ME3: variants seen among roughly 807,000 people sequenced by gnomAD.
ME3 encodes the protein malic enzyme 3, also known as NADP-dependent malic enzyme, mitochondrial.
In ME3, 48 loss-of-function variants were observed where a neutral mutation model predicts 68.9. The ratio of observed to expected loss-of-function variants is 0.70; its 90% CI spans 0.55 to 0.89. The LOEUF (loss-of-function observed/expected upper bound fraction) is 0.89, where lower values mean the gene tolerates loss of function less well. Among genes scored for constraint, ME3 ranks in the 40% least tolerant of loss-of-function variants. The pLI, the probability that ME3 is intolerant of heterozygous loss-of-function variation, is 0.00. For missense variants in ME3, 675 were observed against 797.4 expected, an observed-to-expected ratio of 0.85 and a Z score of 1.85; for synonymous variants, 320 against 318.8, an observed-to-expected ratio of 1.00 and a Z score of -0.04.
chr11:86,634,773 G>A (rs1361729540), intron 2 of ME3, among the ~76,000 whole-genome samples: 2 of 152,102 alleles, frequency 1.3e-5, no homozygotes, highest in Admixed American at 6.5e-5. Flanking sequence ...TTCTTTCTTG[G>A]AAATCTTATG....
chr11:86,550,741 C>G lies in ME3; in HGVS notation c.467+5812G>C, dbSNP rs1410193713. Reference sequence around the variant, plus strand: ...ATGTGTGTGTGTGTTTGTGTGTATTCCCAACCAACGGACACCTGGGTTGGA... The same window carrying G: ...ATGTGTGTGTGTGTTTGTGTGTATTGCCAACCAACGGACACCTGGGTTGGA... On this transcript the variant is annotated intron_variant, in intron 4 of 14. Transcript: ENST00000543262. 2.0e-5 allele frequency among the ~76,000 whole-genome samples: 3 copies of G among 151,958 alleles called. No individual in the cohort carries two copies. The East Asian group carries it at 5.8e-4, about 29-fold the overall frequency.
At chr11:86,606,787 A>T (rs900835171) in intron 2 of ME3, among the ~76,000 whole-genome samples, 1 of 152,054 alleles carries the variant, frequency 6.6e-6, no homozygotes, top group Non-Finnish European at 1.5e-5. Flanking sequence ...TTTAGATGTT[A>T]TTTGTCTTGA....
chr11:86,534,184 C>A (rs1336901982), intron 4 of ME3, among the ~76,000 whole-genome samples: 1 of 150,778 alleles, frequency 6.6e-6, no homozygotes, highest in Non-Finnish European at 1.5e-5. Flanking sequence ...CTGGGTGAGT[C>A]AGTGAGAGAT....
intron 2 of ME3, among the ~76,000 whole-genome samples, chr11:86,585,242 G>C (rs1958664864): frequency 6.6e-6 from 1 of 152,216 alleles, no homozygotes; most frequent in Admixed American, 6.5e-5. Context: ...GTGTTCTTTA[G>C]AAAAGATCAT....
intron 2 of ME3, among the ~76,000 whole-genome samples, chr11:86,647,195 A>G (rs1452911989): frequency 6.6e-6 from 1 of 152,256 alleles, no homozygotes; most frequent in African/African-American, 2.4e-5. Flanking sequence ...AGATTCACAC[A>G]TAACAATATT....
At chr11:86,458,978 C>T (rs1256715577) in intron 8 of ME3, among the ~76,000 whole-genome samples, 1 of 152,238 alleles carries the variant, frequency 6.6e-6, no homozygotes, top group African/African-American at 2.4e-5. Flanking sequence ...AACCCTACCC[C>T]TGGCTCACTT....
chr11:86,455,704 A>T (rs942071966), intron 8 of ME3, among the ~76,000 whole-genome samples: 2 of 152,158 alleles, frequency 1.3e-5, no homozygotes, highest in Non-Finnish European at 2.9e-5. Context: ...TGCCCAAATG[A>T]TCAGCAAGAC....
intron 4 of ME3, among the ~76,000 whole-genome samples, chr11:86,538,347 C>G (rs758342522): frequency 6.6e-6 from 1 of 152,096 alleles, no homozygotes; most frequent in Non-Finnish European, 1.5e-5. Context: ...TGTCTAAGGA[C>G]AATAATGCAC....
chr11:86,436,378 TGAAGTA>T (rs1948897761), downstream of ME3: 1 of 152,124 alleles, frequency 6.6e-6, no homozygotes. Flanking sequence ...CTTATTAAGT[TGAAGTA>T]GTTCTTTATA....
At chr11:86,572,593 C>T (rs1170253549) in intron 2 of ME3, among the ~76,000 whole-genome samples, 1 of 152,126 alleles carries the variant, frequency 6.6e-6, no homozygotes. Flanking sequence ...TCATTCATGT[C>T]TCTGCAAAGG....
chr11:86,593,114 T>C (rs1452284564), intron 2 of ME3, among the ~76,000 whole-genome samples: 1 of 152,088 alleles, frequency 6.6e-6, no homozygotes, highest in African/African-American at 2.4e-5. Context: ...GCCAGGAAAA[T>C]GACTCATTTC....
chr11:86,522,643 T>C (rs1333396380), intron 4 of ME3, among the ~76,000 whole-genome samples: 1 of 152,144 alleles, frequency 6.6e-6, no homozygotes, highest in Non-Finnish European at 1.5e-5. Context: ...TGGTTTTCTG[T>C]TTCTGTGTTA....
At chr11:86,635,054 C>T (rs1325301359) in intron 2 of ME3, among the ~76,000 whole-genome samples, 1 of 152,136 alleles carries the variant, frequency 6.6e-6, no homozygotes, top group African/African-American at 2.4e-5. Flanking sequence ...CCTGTAATCC[C>T]AGAACTTTGG....
In ME3 at chr11:86,545,511, C is replaced by T. The variant is rs998225479; in HGVS notation, c.467+11042G>A. ...CAATGTGCAAAAATCACAAGCATTG[C>T]TATATACCAATAATAAACAAACAGG... On this transcript the variant is annotated intron_variant, in intron 4 of 14. Coordinates refer to ENST00000543262, the Ensembl canonical transcript of ME3. 9.0e-4 allele frequency among the ~76,000 whole-genome samples: 137 copies of T among 152,234 alleles called. 2 individuals are homozygous for T. Among genetic ancestry groups the T allele is most frequent in the African/African-American group, 3.2e-3 (133 of 41,560 alleles).
At chr11:86,557,082 T>C (rs1407393770) in intron 3 of ME3, among the ~76,000 whole-genome samples, 2 of 152,216 alleles carry the variant, frequency 1.3e-5, no homozygotes, top group Non-Finnish European at 2.9e-5. Context: ...CTGGAATCTG[T>C]GCTCTCAACC....
intron 2 of ME3, among the ~76,000 whole-genome samples, chr11:86,569,813 C>T (rs1268111644): frequency 6.6e-6 from 1 of 152,188 alleles, no homozygotes; most frequent in Non-Finnish European, 1.5e-5. Flanking sequence ...CAAGGTCACA[C>T]AGCAAGCTGG....
intron 2 of ME3, among the ~76,000 whole-genome samples, chr11:86,625,515 G>A (rs1416475071): frequency 1.3e-5 from 2 of 152,100 alleles, no homozygotes; most frequent in African/African-American, 4.8e-5. Context: ...AAGAGACCTG[G>A]GTTTGAATCC....
intron 4 of ME3, among the ~76,000 whole-genome samples, chr11:86,531,336 AAGTC>A (rs1299077316): frequency 6.6e-6 from 1 of 152,190 alleles, no homozygotes; most frequent in Non-Finnish European, 1.5e-5. Context: ...CATCATTAAA[AAGTC>A]AGGAAACAAC....
intron 7 of ME3, among the ~76,000 whole-genome samples, chr11:86,470,181 C>A (rs946138431): frequency 5.9e-5 from 9 of 152,176 alleles, no homozygotes; most frequent in African/African-American, 2.2e-4. Flanking sequence ...TGACCTCTTT[C>A]AAGCCTGAAC....
Sources: gnomAD v4.1 joint callset for allele counts (sites outside exome capture counted in the v4.1 genomes callset) on GRCh38, gnomAD v4.1.1 for gene constraint, MANE v1.5 for transcripts, NCBI Gene and HGNC (gene_info 2026-07-23, HGNC 2026-07-21) for gene names.